Variants in TAFA4 observed in about 807,000 individuals in gnomAD.
The protein encoded by TAFA4 is TAFA chemokine like family member 4, also known as chemokine-like protein TAFA-4.
Under a neutral mutation model 21.1 loss-of-function variants are expected in TAFA4, and 20 were observed. That is an observed-to-expected ratio of 0.95 (90% CI 0.67 to 1.38). The LOEUF (loss-of-function observed/expected upper bound fraction) is 1.38, where lower values mean the gene tolerates loss of function less well. Among genes scored for constraint, TAFA4 ranks in the 40% most tolerant of loss-of-function variants. The pLI, the probability that TAFA4 is intolerant of heterozygous loss-of-function variation, is 0.00. For missense variants in TAFA4, 211 were observed against 180.9 expected, an observed-to-expected ratio of 1.17 and a Z score of -0.95; for synonymous variants, 71 against 67.4, an observed-to-expected ratio of 1.05 and a Z score of -0.26.
intron 3 of TAFA4, among the ~76,000 whole-genome samples, chr3:68,869,705 C>T (rs1172705103): frequency 6.6e-6 from 1 of 151,944 alleles, no homozygotes; most frequent in East Asian, 1.9e-4. Context: ...ACAGAAGGAA[C>T]ACACCTCAAA....
intron 1 of TAFA4, among the ~76,000 whole-genome samples, chr3:68,896,249 A>C (rs2101548): frequency 0.2 from 30,317 of 152,028 alleles, 3,670 homozygotes; most frequent in East Asian, 0.5. Flanking sequence ...TAAGAGTTTT[A>C]AGCAGGAGAG....
At chr3:68,791,611 C>T (rs1454839822) in intron 3 of TAFA4, among the ~76,000 whole-genome samples, 1 of 152,220 alleles carries the variant, frequency 6.6e-6, no homozygotes, top group African/African-American at 2.4e-5. Flanking sequence ...AACGTATCAT[C>T]ACTTAAAGAC....
At chr3:68,820,976 C>T (rs1306108708) in intron 3 of TAFA4, among the ~76,000 whole-genome samples, 1 of 152,124 alleles carries the variant, frequency 6.6e-6, no homozygotes, top group African/African-American at 2.4e-5. Flanking sequence ...TTATGCTGTA[C>T]CACAAGGTGG....
intron 3 of TAFA4, among the ~76,000 whole-genome samples, chr3:68,835,923 G>A (rs1474096307): frequency 2.0e-5 from 3 of 152,152 alleles, no homozygotes; most frequent in East Asian, 3.9e-4. Context: ...AAAATTATGT[G>A]TGATGTTTCA....
chr3:68,906,896 T>C (rs1205367041), intron 1 of TAFA4, among the ~76,000 whole-genome samples: 2 of 151,812 alleles, frequency 1.3e-5, no homozygotes, highest in African/African-American at 2.4e-5. Context: ...CTGGGCATGG[T>C]GGCGCATACC....
intron 4 of TAFA4, among the ~76,000 whole-genome samples, chr3:68,739,687 G>T (rs1702031975): frequency 6.6e-6 from 1 of 152,176 alleles, no homozygotes; most frequent in South Asian, 2.1e-4. Context: ...AAATACTACT[G>T]AGCCACAGAA....
At chr3:68,816,335 T>C (rs925481081) in intron 3 of TAFA4, among the ~76,000 whole-genome samples, 1 of 152,172 alleles carries the variant, frequency 6.6e-6, no homozygotes, top group East Asian at 1.9e-4. Context: ...ATAGTAATTC[T>C]TCCAATCCAT....
At chr3:68,860,613 T>G (rs900698200) in intron 3 of TAFA4, among the ~76,000 whole-genome samples, 36 of 152,166 alleles carry the variant, frequency 2.4e-4, no homozygotes, top group Non-Finnish European at 2.2e-4. Context: ...ATAATGCTTT[T>G]GTAAATTTGA....
At chr3:68,827,064 T>C (rs1450361098) in intron 3 of TAFA4, among the ~76,000 whole-genome samples, 1 of 128,744 alleles carries the variant, frequency 7.8e-6, no homozygotes, top group Non-Finnish European at 1.6e-5. Flanking sequence ...GGCCCCTGTG[T>C]GTAATGTTCC....
chr3:68,785,010 AG>A (rs1407625958), intron 3 of TAFA4, among the ~76,000 whole-genome samples: 17 of 152,022 alleles, frequency 1.1e-4, no homozygotes, highest in Non-Finnish European at 2.4e-4. Flanking sequence ...CTAGATACAG[AG>A]TGCCGATTGG....
Position 68,733,233 on chromosome 3 carries a change from G to T in TAFA4, c.412-80C>A. 4 of 1,531,346 alleles carry T rather than the reference G, an allele frequency of 2.6e-6. No homozygotes were observed. In the South Asian group the frequency reaches 4.8e-5, roughly 18 times the overall value. 94.9% of individuals were successfully genotyped at this position (1,531,346 alleles called of 1,614,324 possible). ...CATTCCTGCCCCCGAGACCAATAAG[G>T]TCCTGACTGTGAATACTTTATCAGT... On this transcript the variant is annotated intron_variant, in intron 5 of 5. Transcript: ENST00000295569.
intron 3 of TAFA4, among the ~76,000 whole-genome samples, chr3:68,828,012 T>C (rs1483507999): frequency 6.6e-6 from 1 of 152,258 alleles, no homozygotes; most frequent in Non-Finnish European, 1.5e-5. Context: ...TTTGTGGTTT[T>C]AGGTCTTCCA....
intron 2 of TAFA4, among the ~76,000 whole-genome samples, chr3:68,882,811 C>T (rs186310967): frequency 6.6e-5 from 10 of 152,300 alleles, no homozygotes. Context: ...TCTAGAGTTT[C>T]TGTCCTCTTC....
At chr3:68,749,824 A>T (rs747271578) in intron 4 of TAFA4, among the ~76,000 whole-genome samples, 1 of 152,240 alleles carries the variant, frequency 6.6e-6, no homozygotes, top group Non-Finnish European at 1.5e-5. Flanking sequence ...TTAAGCCACA[A>T]GTCCCTATTA....
chr3:68,909,282 C>T (rs774397537), intron 1 of TAFA4, among the ~76,000 whole-genome samples: 2 of 152,156 alleles, frequency 1.3e-5, no homozygotes, highest in Non-Finnish European at 2.9e-5. Context: ...ACCCACCGGG[C>T]AGAATTAGGA....
At chr3:68,852,823 G>C (rs1037948011) in intron 3 of TAFA4, among the ~76,000 whole-genome samples, 29 of 151,978 alleles carry the variant, frequency 1.9e-4, no homozygotes, top group African/African-American at 7.0e-4. Flanking sequence ...CATAAATAAA[G>C]CAAACCAATG....
chr3:68,734,436 C>A (rs182232704), intron 5 of TAFA4, among the ~76,000 whole-genome samples: 1 of 151,390 alleles, frequency 6.6e-6, no homozygotes, highest in East Asian at 1.9e-4. Context: ...GGTAGAGGGC[C>A]GCTCTTCTAT....
At chr3:68,905,928 G>A (rs1327495087) in intron 1 of TAFA4, among the ~76,000 whole-genome samples, 2 of 152,168 alleles carry the variant, frequency 1.3e-5, no homozygotes, top group South Asian at 2.1e-4. Flanking sequence ...TGCCATCCAC[G>A]GATCACTGAA....
chr3:68,885,430 T>C (rs2089661918), intron 1 of TAFA4, 120 bp from the exon 2 acceptor site: 1 of 532,836 alleles, frequency 1.9e-6, no homozygotes, highest in Admixed American at 3.6e-5. Flanking sequence ...TTCAGGCAAG[T>C]GGCAGACAGC....
Sources: gnomAD v4.1 joint callset for allele counts (sites outside exome capture counted in the v4.1 genomes callset) on GRCh38, gnomAD v4.1.1 for gene constraint, MANE v1.5 for transcripts, NCBI Gene and HGNC (gene_info 2026-07-23, HGNC 2026-07-21) for gene names.